Variants in KCNQ2 observed in about 807,000 individuals in gnomAD.
The protein encoded by KCNQ2 is potassium voltage-gated channel subfamily Q member 2.
A neutral mutation model predicts 84.8 loss-of-function variants in KCNQ2; 14 were observed. That is an observed-to-expected ratio of 0.17 (90% confidence interval 0.11 to 0.26). KCNQ2 has a LOEUF of 0.26. KCNQ2 is among the 10% of genes least tolerant of loss of function. The probability of loss-of-function intolerance (pLI) is 1.00; values close to 1 mark genes in which losing one functional copy is unlikely to be tolerated. For missense variants in KCNQ2, 788 were observed against 1,254.0 expected, an observed-to-expected ratio of 0.63 and a Z score of 5.61; for synonymous variants, 599 against 554.1, an observed-to-expected ratio of 1.08 and a Z score of -1.14.
At position 63,428,349 on chromosome 20, in the gene KCNQ2, T is replaced by G. The variant is rs372027130; in HGVS notation, c.1217+18A>C. On this transcript the variant is annotated intron_variant, in intron 10 of 16. Transcript: ENST00000359125. ...GACTGAGACGCCCACCCGCCCCACC[T>G]GGAGCTCCCCAGCTGACCTGAAAGC... 1.3e-6 allele frequency: 2 copies of G among 1,553,262 alleles called. No homozygotes were observed. The highest frequency in any genetic ancestry group is 2.7e-5 in the African/African-American group (2 of 73,752).
Position 63,419,515 on chromosome 20 carries a change from TG to T in KCNQ2, c.1301+103del, listed in dbSNP as rs918928613. On this transcript the variant is annotated intron_variant, in intron 12 of 16. Coordinates refer to ENST00000359125, the MANE Select transcript of KCNQ2 (RefSeq NM_172107.4). ...CAGGGCGGTGGGTCAGAATTGGGGT[TG>T]GGGCGCCAGCCTCCCCCTGGCTCCT... 44 of 1,191,258 alleles carry T rather than the reference TG, an allele frequency of 3.7e-5. 1 individual carries two copies. The African/African-American group carries it at 6.0e-4, about 16-fold the overall frequency. 73.8% of individuals were successfully genotyped at this position (1,191,258 alleles called of 1,614,324 possible).
At position 63,414,119 on chromosome 20, in the gene KCNQ2, G is replaced by A. The variant is rs760066570; in HGVS notation, c.1600C>T (p.Pro534Ser). ...GCTCTGATGCTGACTTTGAGGCCCGGGGTCAGGTCCTCGGTCACAAACTCG... is the reference window on the plus strand; with the variant it reads ...GCTCTGATGCTGACTTTGAGGCCCGAGGTCAGGTCCTCGGTCACAAACTCG... ...PCEFVTEDLT[P>S]GLKVSIRAVC... The change falls in exon 14 of 17, where the codon CCG becomes TCG. Residue 534 changes from proline to serine, a missense_variant. Physicochemically the swap from Pro to Ser is moderately conservative, Grantham distance 74. Around this residue, in one of 8 missense-constraint regions of KCNQ2, gnomAD observed 202 missense variants for 239.4 expected, o/e 0.84. Coordinates refer to ENST00000359125, the MANE Select transcript of KCNQ2 (RefSeq NM_172107.4). This position sits in a 1 kb window ranked among gnomAD's most constrained non-coding sequence, Gnocchi z 6.6. The A allele has an allele frequency of 1.2e-6, 2 of 1,613,694 alleles. No individual in the cohort carries two copies. The highest frequency in any genetic ancestry group is 1.7e-6 in the Non-Finnish European group (2 of 1,179,944).
At chr20:63,445,547 C>G (rs920862595) in intron 2 of KCNQ2, 183 bp from the exon 3 acceptor site, 2 of 621,904 alleles carry the variant, frequency 3.2e-6, no homozygotes, top group Non-Finnish European at 5.6e-6. Context: ...GTTGGGCCCT[C>G]TGGAGACCCT....
intron 11 of KCNQ2, among the ~76,000 whole-genome samples, chr20:63,423,188 GCTCAAGGCA>G (rs2080525704): frequency 6.6e-6 from 1 of 152,194 alleles, no homozygotes; most frequent in African/African-American, 2.4e-5. Context: ...CGTCTTTCCA[GCTCAAGGCA>G]CTGACCATGA....
In KCNQ2 at chr20:63,446,951, G is replaced by T; in HGVS notation, c.297-114C>A. On this transcript the variant is annotated intron_variant, in intron 1 of 16. Transcript: ENST00000359125. The surrounding 1 kb of genome is among the most constrained non-coding windows in gnomAD (Gnocchi z 5.5). ...CAGGCCGCAGCAGGGCACCAGCATG[G>T]CCGCGTCTCCAGAACGCAGGACCCC... The T allele has an allele frequency of 1.1e-6, 1 of 937,124 alleles. No homozygotes were observed. Among genetic ancestry groups the T allele is most frequent in the South Asian group, 1.3e-5 (1 of 76,010 alleles). 58.1% of individuals were successfully genotyped at this position (937,124 alleles called of 1,614,324 possible).
intron 9 of KCNQ2, among the ~76,000 whole-genome samples, chr20:63,429,660 A>G (rs1030863509): frequency 2.6e-5 from 4 of 152,096 alleles, no homozygotes; most frequent in Non-Finnish European, 5.9e-5. Context: ...ATGGCTCCCC[A>G]CTGCCTCCAA....
At chr20:63,433,948 G>A in intron 7 of KCNQ2, 45 bp from the exon 8 acceptor site, 1 of 1,577,802 alleles carries the variant, frequency 6.3e-7, no homozygotes, top group Non-Finnish European at 8.7e-7. Context: ...CAGGCGGCGA[G>A]GGGCGCGCCC....
At chr20:63,453,237 G>A (rs917863694) in intron 1 of KCNQ2, among the ~76,000 whole-genome samples, 1 of 152,250 alleles carries the variant, frequency 6.6e-6, no homozygotes, top group African/African-American at 2.4e-5. Context: ...CACTGGCCCT[G>A]AGGCACCGTC....
rs753953009 is a variant in KCNQ2, at chr20:63,445,359, G to A, written c.393C>T (p.Ile131=). 19 of 1,613,658 alleles carry A rather than the reference G, an allele frequency of 1.2e-5. No homozygotes were observed. Among genetic ancestry groups the A allele is most frequent in the Non-Finnish European group, 1.4e-5 (17 of 1,179,896 alleles). ...SSEGALYILE[I]VTIVVFGVEY... ...CCACGCCAAACACCACGATAGTCACGATTTCCTGCAGGGGAGGAAAGCTGA... is the reference window on the plus strand; with the variant it reads ...CCACGCCAAACACCACGATAGTCACAATTTCCTGCAGGGGAGGAAAGCTGA... Residue 131 remains isoleucine, a synonymous_variant, in exon 3 of 17, where the codon ATC becomes ATT. Transcript: ENST00000359125.
chr20:63,435,423 G>T (rs577894694), intron 7 of KCNQ2, among the ~76,000 whole-genome samples: 1 of 150,304 alleles, frequency 6.7e-6, no homozygotes, highest in Non-Finnish European at 1.5e-5. Context: ...CCATCCTAAC[G>T]TGGAGCCTGA....
Position 63,419,686 on chromosome 20 carries a change from G to A in KCNQ2, c.1248-14C>T, listed in dbSNP as rs567439188. 2.5e-6 allele frequency: 4 copies of A among 1,607,898 alleles called. No individual in the cohort carries two copies. The South Asian group carries it at 4.5e-5, about 18-fold the overall frequency. ...GGGCTGCCTTTACTGGAAATGAGGAGAGCACAGTTAGTCCTGGGCGCCGGC... is the reference window on the plus strand; with the variant it reads ...GGGCTGCCTTTACTGGAAATGAGGAAAGCACAGTTAGTCCTGGGCGCCGGC... On this transcript the variant is annotated splice_polypyrimidine_tract_variant and intron_variant, in intron 11 of 16. Transcript: ENST00000359125.
intron 4 of KCNQ2, chr20:63,443,657 T>TC (rs1225042511): frequency 6.6e-6 from 1 of 152,468 alleles, no homozygotes; most frequent in East Asian, 1.9e-4. Flanking sequence ...GCCTCGCCAG[T>TC]CAGCCCACTT....
chr20:63,419,513 G>T (rs2080401246), intron 12 of KCNQ2, 106 bp downstream of exon 12: 4 of 1,179,338 alleles, frequency 3.4e-6, no homozygotes, highest in Admixed American at 4.0e-5. Context: ...CAGAATTGGG[G>T]TTGGGGCGCC....
At chr20:63,429,575 G>A (rs577957210) in intron 9 of KCNQ2, among the ~76,000 whole-genome samples, 2 of 152,246 alleles carry the variant, frequency 1.3e-5, no homozygotes, top group East Asian at 3.9e-4. Context: ...CTCTTCACCT[G>A]CCCTGCCTCT....
rs1449865899 is a variant in KCNQ2, at chr20:63,446,558, GGTGGGGCTGGGGCATAGCCCGGGCT to G, written c.387+164_387+188del. Among the ~76,000 whole-genome samples, 7 of 152,286 alleles carry G rather than the reference GGTGGGGCTGGGGCATAGCCCGGGCT, an allele frequency of 4.6e-5. No homozygotes were observed. The highest frequency in any genetic ancestry group is 1.7e-4 in the African/African-American group (7 of 41,566). On this transcript the variant is annotated intron_variant, in intron 2 of 16. Transcript: ENST00000359125. This position sits in a 1 kb window ranked among gnomAD's most constrained non-coding sequence, Gnocchi z 5.5. ...GAGGTGAGGGCTGAGTTACAGCCAG[GGTGGGGCTGGGGCATAGCCCGGGCT>G]GTGGGGCTGGGGGCAGATGGGAACT...
intron 4 of KCNQ2, among the ~76,000 whole-genome samples, chr20:63,443,250 T>TCACCATCAC (rs2081291049): frequency 5.1e-5 from 1 of 19,602 alleles, no homozygotes; most frequent in African/African-American, 2.3e-4. Context: ...CACCATCACA[T>TCACCATCAC]CACCATCGCC....
intron 12 of KCNQ2, among the ~76,000 whole-genome samples, chr20:63,415,371 C>T (rs1373923230): frequency 7.9e-5 from 7 of 88,068 alleles, no homozygotes; most frequent in African/African-American, 3.8e-4. Flanking sequence ...GGGGAGGCCA[C>T]GGGGACCGAG....
chr20:63,433,858 G>T lies in KCNQ2; in HGVS notation c.1069C>A (p.His357Asn). The T allele has an allele frequency of 6.2e-7, 1 of 1,613,940 alleles. No homozygotes were observed. The highest frequency in any genetic ancestry group is 2.2e-5 in the East Asian group (1 of 44,876). Residue 357 changes from histidine to asparagine, a missense_variant, in exon 8 of 17, where the codon CAC becomes AAC. Transcript: ENST00000359125. The part of the protein sequence containing the change: ...YATNLSRTDL[H>N]STWQYYERTV... Reference sequence around the variant, plus strand: ...CGCTCGTAGTACTGCCACGTGGAGTGCAGGTCTGTGCGCGAGAGGTTGGTG... The same window carrying T: ...CGCTCGTAGTACTGCCACGTGGAGTTCAGGTCTGTGCGCGAGAGGTTGGTG...
At chr20:63,442,557 A>G in intron 4 of KCNQ2, 26 bp from the exon 5 acceptor site, 1 of 1,611,786 alleles carries the variant, frequency 6.2e-7, no homozygotes, top group African/African-American at 1.3e-5. Context: ...CACCACCATC[A>G]TGACCACCAT....
Sources: allele counts gnomAD v4.1 joint callset (sites outside exome capture counted in the v4.1 genomes callset), GRCh38; gene constraint gnomAD v4.1.1; regional missense constraint gnomAD v4.1.1; non-coding constraint Gnocchi (gnomAD v3.1); transcripts MANE v1.5; gene names NCBI Gene and HGNC (gene_info 2026-07-23, HGNC 2026-07-21).